The following KCNIP4 variants were observed in gnomAD, a reference collection of about 807,000 sequenced individuals.
The protein encoded by KCNIP4 is Kv channel-interacting protein 4.
In KCNIP4, 12 loss-of-function variants were observed where a neutral mutation model predicts 34.0. That is an observed-to-expected ratio of 0.35 (90% confidence interval 0.23 to 0.57). The LOEUF (loss-of-function observed/expected upper bound fraction) is 0.57. Ranked by LOEUF, KCNIP4 falls within the 20% of genes least tolerant of loss-of-function variation. The pLI is 0.83. For missense variants in KCNIP4, 238 were observed against 311.7 expected (o/e 0.76, Z 1.78); for synonymous variants, 124 against 102.2 (o/e 1.21, Z -1.29).
At chr4:21,298,023 G>A (rs889472666) in intron 1 of KCNIP4, among the ~76,000 whole-genome samples, 2 of 152,090 alleles carry the variant, frequency 1.3e-5, no homozygotes, top group Non-Finnish European at 1.5e-5. Flanking sequence ...ACTTCCTTGT[G>A]ATCTTAAGCA....
intron 4 of KCNIP4, among the ~76,000 whole-genome samples, chr4:20,749,993 G>C (rs1753297939): frequency 6.6e-6 from 1 of 152,180 alleles, no homozygotes; most frequent in Non-Finnish European, 1.5e-5. Flanking sequence ...TGGGTGATGA[G>C]ATTAACACTG....
At chr4:21,606,887 T>C (rs1743731141) in intron 1 of KCNIP4, among the ~76,000 whole-genome samples, 1 of 152,142 alleles carries the variant, frequency 6.6e-6, no homozygotes, top group East Asian at 1.9e-4. Flanking sequence ...AAGCCATCAA[T>C]GGTGAATTGA....
chr4:21,838,596 T>C (rs981053190), intron 1 of KCNIP4, among the ~76,000 whole-genome samples: 4 of 152,208 alleles, frequency 2.6e-5, no homozygotes, highest in Non-Finnish European at 5.9e-5. Context: ...CACAACACTT[T>C]TATGAATTCG....
chr4:21,529,249 A>G (rs1453082944), intron 1 of KCNIP4, among the ~76,000 whole-genome samples: 1 of 152,178 alleles, frequency 6.6e-6, no homozygotes, highest in Non-Finnish European at 1.5e-5. Context: ...GAATCAAGAC[A>G]GAATAGGAAG....
intron 1 of KCNIP4, among the ~76,000 whole-genome samples, chr4:21,523,485 A>G (rs137858003): frequency 6.6e-6 from 1 of 152,226 alleles, no homozygotes; most frequent in African/African-American, 2.4e-5. Flanking sequence ...TTAGTCCTCA[A>G]TAATATTCAC....
intron 5 of KCNIP4, among the ~76,000 whole-genome samples, chr4:20,745,672 G>A (rs1752267496): frequency 6.6e-6 from 1 of 152,102 alleles, no homozygotes; most frequent in Admixed American, 6.6e-5. Context: ...TATTATCAAG[G>A]CAAAAGGAGA....
In KCNIP4 at chr4:20,933,742, G is replaced by GAA. The variant is rs71181601; in HGVS notation, c.62-51035_62-51034dup. Among the ~76,000 whole-genome samples the GAA allele has an allele frequency of 1.0e-3, 150 of 145,434 alleles. 1 individual carries two copies. The highest frequency in any genetic ancestry group is 2.2e-3 in the South Asian group (10 of 4,578). On this transcript the variant is annotated intron_variant, in intron 1 of 8. Coordinates refer to ENST00000382152, the MANE Select transcript of KCNIP4 (RefSeq NM_025221.6). ...TTAGATACCACGTCTAGCTGAAAAA[G>GAA]AAAAAAAAAAAAAGAAAGAAATTTA...
chr4:21,276,808 G>T (rs1762471581), intron 1 of KCNIP4, among the ~76,000 whole-genome samples: 1 of 152,128 alleles, frequency 6.6e-6, no homozygotes, highest in African/African-American at 2.4e-5. Context: ...GTAAACAGAG[G>T]TCTGCTAAGG....
chr4:21,339,447 A>C (rs1716515678), intron 1 of KCNIP4, among the ~76,000 whole-genome samples: 1 of 152,210 alleles, frequency 6.6e-6, no homozygotes. Context: ...ATGCAAATTG[A>C]ATATATTTGA....
intron 1 of KCNIP4, among the ~76,000 whole-genome samples, chr4:21,927,772 G>A (rs886882974): frequency 4.6e-5 from 7 of 152,064 alleles, no homozygotes; most frequent in Admixed American, 3.3e-4. Context: ...ATCTGACAAT[G>A]AGTAGAAAGA....
intron 1 of KCNIP4, among the ~76,000 whole-genome samples, chr4:21,919,711 G>C (rs1728834518): frequency 6.6e-6 from 1 of 152,094 alleles, no homozygotes; most frequent in Non-Finnish European, 1.5e-5. Flanking sequence ...GAGACCTAAG[G>C]GTGAGAATAT....
intron 3 of KCNIP4, among the ~76,000 whole-genome samples, chr4:20,844,426 A>T (rs10016976): frequency 0.017 from 2,660 of 152,242 alleles, 72 homozygotes; most frequent in African/African-American, 0.057. Context: ...AAAACCAATT[A>T]TTACCCACCC....
At chr4:20,959,951 C>G (rs749717491) in intron 1 of KCNIP4, among the ~76,000 whole-genome samples, 5 of 152,126 alleles carry the variant, frequency 3.3e-5, no homozygotes. Context: ...AAGCACCAAG[C>G]ACCAGGCTCA....
intron 1 of KCNIP4, among the ~76,000 whole-genome samples, chr4:21,048,984 T>C (rs1742685360): frequency 1.5e-5 from 2 of 136,114 alleles, no homozygotes; most frequent in Admixed American, 8.1e-5. Context: ...GGAGTCTCGC[T>C]CTGTCGCCCA....
At chr4:21,185,567 G>C (rs1260442958) in intron 1 of KCNIP4, among the ~76,000 whole-genome samples, 1 of 150,120 alleles carries the variant, frequency 6.7e-6, no homozygotes, top group Admixed American at 6.7e-5. Flanking sequence ...ACGTGCTTTT[G>C]CCTGTCTTAG....
chr4:21,158,157 T>C (rs564274685), intron 1 of KCNIP4, among the ~76,000 whole-genome samples: 2 of 152,248 alleles, frequency 1.3e-5, no homozygotes, highest in East Asian at 3.9e-4. Flanking sequence ...ACATTAAAGT[T>C]ACAGTTAAAA....
intron 1 of KCNIP4, among the ~76,000 whole-genome samples, chr4:20,981,366 T>C (rs544227170): frequency 4.1e-4 from 63 of 152,340 alleles, no homozygotes; most frequent in Middle Eastern, 6.8e-3. Flanking sequence ...ATGCCCATTA[T>C]ATGATTTTCT....
chr4:21,242,884 G>C (rs1577950747), intron 1 of KCNIP4, among the ~76,000 whole-genome samples: 1 of 23,926 alleles, frequency 4.2e-5, no homozygotes, highest in Admixed American at 3.4e-4. Context: ...GTGTATCTGT[G>C]TGTGTGTGTG....
chr4:21,881,431 A>G (rs1726454941), intron 1 of KCNIP4, among the ~76,000 whole-genome samples: 1 of 152,184 alleles, frequency 6.6e-6, no homozygotes, highest in South Asian at 2.1e-4. Flanking sequence ...ATTATTTTCA[A>G]TCAATAAACT....
Sources: gnomAD v4.1 joint callset for allele counts (sites outside exome capture counted in the v4.1 genomes callset) on GRCh38, gnomAD v4.1.1 for gene constraint, MANE v1.5 for transcripts, NCBI Gene and HGNC (gene_info 2026-07-23, HGNC 2026-07-21) for gene names.